The following RBFOX1 variants were observed in gnomAD, a reference collection of about 807,000 sequenced individuals.
The protein encoded by RBFOX1 is RNA binding protein fox-1 homolog 1.
In RBFOX1, 8 loss-of-function variants were observed where a neutral mutation model predicts 57.7. That is an observed-to-expected ratio of 0.14 (90% CI 0.08 to 0.25). RBFOX1 has a LOEUF of 0.25. Ranked by LOEUF, RBFOX1 falls within the 10% of genes least tolerant of loss-of-function variation. The pLI, the probability that RBFOX1 is intolerant of heterozygous loss-of-function variation, is 1.00. For synonymous variants in RBFOX1, 326 were observed against 222.4 expected (o/e 1.47, Z -4.15); for missense variants, 611 against 548.5 (o/e 1.11, Z -1.14).
Position 6,076,643 on chromosome 16 carries a change from A to AT in RBFOX1, c.-127+56657dup, listed in dbSNP as rs201581472. On this transcript the variant is annotated intron_variant, in intron 1 of 15. Transcript: ENST00000550418. ...ACTCTTAACCTGGGAAATCTATAAA[A>AT]TTTTTTGTTATGTATAAGGAAGAAC... Among the ~76,000 whole-genome samples the AT allele has an allele frequency of 5.4e-3, 676 of 124,340 alleles. 6 individuals are homozygous for AT. Among genetic ancestry groups the AT allele is most frequent in the African/African-American group, 0.016 (632 of 38,872 alleles). The allele number at this position is 124,340 out of a possible 152,430, so 81.6% of individuals were successfully genotyped here. A position where few individuals can be genotyped will look rare whatever the true frequency, so the allele number is the denominator to read the frequency against.
intron 4 of RBFOX1, among the ~76,000 whole-genome samples, chr16:5,905,783 T>G (rs1597726083): frequency 6.6e-6 from 1 of 152,142 alleles, no homozygotes; most frequent in South Asian, 2.1e-4. Flanking sequence ...GATCTCAGGC[T>G]TCCATCCTCC....
intron 3 of RBFOX1, among the ~76,000 whole-genome samples, chr16:6,661,424 A>C (rs900139593): frequency 6.6e-6 from 1 of 152,192 alleles, no homozygotes; most frequent in African/African-American, 2.4e-5. Flanking sequence ...TAAAGGAGAG[A>C]CTACAGCAGT....
intron 4 of RBFOX1, among the ~76,000 whole-genome samples, chr16:7,269,029 T>TC (rs2153104432): frequency 9.7e-6 from 1 of 103,206 alleles, no homozygotes; most frequent in East Asian, 3.0e-4. Context: ...AGAGTGAGAC[T>TC]CCATCTTCCA....
intron 4 of RBFOX1, among the ~76,000 whole-genome samples, chr16:7,470,047 A>C (rs183083177): frequency 6.6e-5 from 10 of 150,558 alleles, no homozygotes; most frequent in East Asian, 5.8e-4. Context: ...TTAACATTGC[A>C]TAATATTCCA....
chr16:7,639,493 T>G (rs1040504497), intron 11 of RBFOX1, among the ~76,000 whole-genome samples: 3 of 152,160 alleles, frequency 2.0e-5, no homozygotes, highest in African/African-American at 7.2e-5. Context: ...TATTGAAGTT[T>G]TTTCTATATG....
intron 1 of RBFOX1, among the ~76,000 whole-genome samples, chr16:6,295,722 T>G (rs974290675): frequency 6.6e-6 from 1 of 152,202 alleles, no homozygotes; most frequent in African/African-American, 2.4e-5. Context: ...CCTGCAGCTG[T>G]CCTCTTTCCT....
intron 4 of RBFOX1, among the ~76,000 whole-genome samples, chr16:7,087,529 G>A (rs1330754391): frequency 1.3e-5 from 2 of 151,500 alleles, no homozygotes; most frequent in Non-Finnish European, 2.9e-5. Context: ...AAGAGAAGAA[G>A]GGCAAGAGTT....
Position 6,511,253 on chromosome 16 carries a change from G to C in RBFOX1, c.-63-143350G>C, listed in dbSNP as rs548723213. Among the ~76,000 whole-genome samples, 54 of 152,296 alleles carry C rather than the reference G, an allele frequency of 3.5e-4. 1 individual carries two copies. In the South Asian group the frequency reaches 3.7e-3, roughly 11 times the overall value. On this transcript the variant is annotated intron_variant, in intron 2 of 15. Coordinates refer to ENST00000550418, the MANE Select transcript of RBFOX1 (RefSeq NM_018723.4). ...CAGATGTGTTGGTGCCCCCATAAAA[G>C]GGGTTCACAGGAAATAGGGAGGAAT...
At chr16:6,957,166 C>T (rs538824154) in intron 3 of RBFOX1, among the ~76,000 whole-genome samples, 2 of 106,772 alleles carry the variant, frequency 1.9e-5, no homozygotes, top group African/African-American at 7.3e-5. Context: ...GAGTCTTGCT[C>T]TGTCACCCAG....
intron 3 of RBFOX1, among the ~76,000 whole-genome samples, chr16:6,936,074 G>T (rs571867830): frequency 6.6e-6 from 1 of 152,310 alleles, no homozygotes; most frequent in East Asian, 1.9e-4. Flanking sequence ...CAGGCTGACT[G>T]CGGGCATTTC....
intron 3 of RBFOX1, among the ~76,000 whole-genome samples, chr16:6,770,096 G>A (rs1603618720): frequency 6.6e-6 from 1 of 152,246 alleles, no homozygotes; most frequent in Admixed American, 6.5e-5. Context: ...CAGCAGAAAG[G>A]AAAGAAAAAC....
chr16:7,574,872 C>A lies in RBFOX1; in HGVS notation c.271-4905C>A, dbSNP rs111244437. On this transcript the variant is annotated intron_variant, in intron 5 of 15. Transcript: ENST00000550418. Reference sequence around the variant, plus strand: ...CCTTCTCCTAGACCTGCTTTGAGGCCACTCATCTTGAGAACTTCGTGCTGC... The same window carrying A: ...CCTTCTCCTAGACCTGCTTTGAGGCAACTCATCTTGAGAACTTCGTGCTGC... Among the ~76,000 whole-genome samples, 546 of 152,226 alleles carry A rather than the reference C, an allele frequency of 3.6e-3. 5 individuals are homozygous for A. The highest frequency in any genetic ancestry group is 0.012 in the African/African-American group (510 of 41,536).
At chr16:7,403,570 C>CCG (rs535557461) in intron 4 of RBFOX1, among the ~76,000 whole-genome samples, 2 of 146,884 alleles carry the variant, frequency 1.4e-5, no homozygotes, top group Admixed American at 6.8e-5. Context: ...AATCCCCCCC[C>CCG]CCCCACTTTT....
chr16:6,939,533 T>C (rs1369309979), intron 3 of RBFOX1, among the ~76,000 whole-genome samples: 2 of 150,922 alleles, frequency 1.3e-5, no homozygotes, highest in African/African-American at 2.4e-5. Flanking sequence ...TTTTTTGAGA[T>C]GGTGTCTTGT....
intron 3 of RBFOX1, among the ~76,000 whole-genome samples, chr16:7,041,268 C>T (rs983103974): frequency 5.3e-5 from 8 of 151,820 alleles, no homozygotes; most frequent in African/African-American, 1.9e-4. Context: ...ACAGTGGCAC[C>T]CATTTGTTTA....
At chr16:5,462,899 G>A (rs1484293998) in intron 1 of RBFOX1, among the ~76,000 whole-genome samples, 1 of 152,112 alleles carries the variant, frequency 6.6e-6, no homozygotes, top group African/African-American at 2.4e-5. Flanking sequence ...GAATAATCTG[G>A]CCTGAATTTT....
At chr16:5,671,845 G>T (rs575061950) in intron 3 of RBFOX1, among the ~76,000 whole-genome samples, 1 of 152,182 alleles carries the variant, frequency 6.6e-6, no homozygotes, top group African/African-American at 2.4e-5. Context: ...CATCCAAGTT[G>T]CAGTGTGAGC....
At chr16:5,407,050 C>T (rs982165950) in intron 1 of RBFOX1, among the ~76,000 whole-genome samples, 1 of 152,154 alleles carries the variant, frequency 6.6e-6, no homozygotes, top group Non-Finnish European at 1.5e-5. Flanking sequence ...GTTTAGTTGA[C>T]TCAGTTCCAC....
intron 4 of RBFOX1, among the ~76,000 whole-genome samples, chr16:5,877,234 G>C (rs10492750): frequency 6.6e-6 from 1 of 152,106 alleles, no homozygotes; most frequent in Non-Finnish European, 1.5e-5. Flanking sequence ...GAGGGGTCAC[G>C]CATTTATTCA....
Sources: allele counts gnomAD v4.1 joint callset (sites outside exome capture counted in the v4.1 genomes callset), GRCh38; gene constraint gnomAD v4.1.1; transcripts MANE v1.5; gene names NCBI Gene and HGNC (gene_info 2026-07-23, HGNC 2026-07-21).